Variants in CTNNA1 observed in about 807,000 individuals in gnomAD.
CTNNA1 encodes the protein catenin alpha 1.
A neutral mutation model predicts 98.4 loss-of-function variants in CTNNA1; 37 were observed. The ratio of observed to expected loss-of-function variants is 0.38; its 90% CI spans 0.29 to 0.49. The LOEUF is 0.49. Among genes scored for constraint, CTNNA1 ranks in the 20% least tolerant of loss-of-function variants. The pLI is 0.95. For missense variants in CTNNA1, 761 were observed against 1,147.2 expected, an observed-to-expected ratio of 0.66 and a Z score of 4.86; for synonymous variants, 404 against 413.2, an observed-to-expected ratio of 0.98 and a Z score of 0.27.
chr5:138,777,654 G>A (rs1002488715), intron 1 of CTNNA1, among the ~76,000 whole-genome samples: 37 of 151,946 alleles, frequency 2.4e-4, no homozygotes, highest in South Asian at 1.7e-3. Flanking sequence ...TTAGGAGCTG[G>A]AGACCAGCCC....
intron 7 of CTNNA1, among the ~76,000 whole-genome samples, chr5:138,843,354 G>A (rs151201014): frequency 8.8e-4 from 134 of 152,240 alleles, no homozygotes; most frequent in African/African-American, 3.2e-3. Context: ...TCATCACCAT[G>A]ATGGTTAGTT....
chr5:138,824,872 T>G (rs1760482504), intron 6 of CTNNA1, 73 bp downstream of exon 6: 2 of 1,410,512 alleles, frequency 1.4e-6, no homozygotes, highest in African/African-American at 2.8e-5. Flanking sequence ...TGGGGAAAAG[T>G]GATCAAGGCT....
At chr5:138,767,097 C>T (rs752688695) in intron 1 of CTNNA1, among the ~76,000 whole-genome samples, 105 of 152,022 alleles carry the variant, frequency 6.9e-4, no homozygotes, top group Non-Finnish European at 1.4e-3. Flanking sequence ...AGTGCAGTGG[C>T]GTGATCTTGG....
At chr5:138,757,066 C>T (rs531790659) in intron 1 of CTNNA1, among the ~76,000 whole-genome samples, 25 of 151,548 alleles carry the variant, frequency 1.6e-4, no homozygotes, top group African/African-American at 5.3e-4. Flanking sequence ...CATGGTGACA[C>T]GCTCTGTAGT....
rs1025992518 is a variant in CTNNA1, at chr5:138,917,105, AT to A, written c.1390-631del. Among the ~76,000 whole-genome samples the A allele has an allele frequency of 2.6e-5, 4 of 152,244 alleles. No homozygotes were observed. In the East Asian group the frequency reaches 7.7e-4, roughly 29 times the overall value. ...ATTTTTAAACCTTAATAGATTATAC[AT>A]TTTTTGAGCAGTTTTTTGTTTGTCA... On this transcript the variant is annotated intron_variant, in intron 10 of 17. Transcript: ENST00000302763.
chr5:138,835,563 A>G (rs1180282030), intron 7 of CTNNA1, among the ~76,000 whole-genome samples: 1 of 152,230 alleles, frequency 6.6e-6, no homozygotes, highest in African/African-American at 2.4e-5. Flanking sequence ...TAGATGATGC[A>G]TTGAATGCAA....
chr5:138,814,733 G>A (rs549900159), intron 5 of CTNNA1, among the ~76,000 whole-genome samples: 8 of 152,166 alleles, frequency 5.3e-5, no homozygotes, highest in South Asian at 2.1e-4. Flanking sequence ...GCAAAATGGC[G>A]GAATAAGTAA....
intron 7 of CTNNA1, chr5:138,871,740 T>C (rs1338835496): frequency 6.6e-6 from 1 of 152,290 alleles, no homozygotes; most frequent in African/African-American, 2.4e-5. Flanking sequence ...TGTTCTGCCA[T>C]GAGATTCATC....
intron 5 of CTNNA1, among the ~76,000 whole-genome samples, chr5:138,816,021 C>T (rs1413880832): frequency 6.6e-6 from 1 of 152,174 alleles, no homozygotes; most frequent in Non-Finnish European, 1.5e-5. Context: ...TTTATTCCTC[C>T]TATTTAACTG....
chr5:138,909,359 C>CA (rs1410977789), intron 10 of CTNNA1, among the ~76,000 whole-genome samples: 6 of 151,090 alleles, frequency 4.0e-5, no homozygotes, highest in African/African-American at 1.5e-4. Flanking sequence ...CCTCCCCCCC[C>CA]ACCCTTTTTT....
intron 9 of CTNNA1, among the ~76,000 whole-genome samples, chr5:138,892,593 C>T (rs896934560): frequency 1.8e-4 from 27 of 151,950 alleles, no homozygotes; most frequent in Admixed American, 5.9e-4. Flanking sequence ...TCGCCCGCCT[C>T]GGCCTCCCAG....
intron 7 of CTNNA1, among the ~76,000 whole-genome samples, chr5:138,830,733 GTGTGTTGGGCACAA>G (rs1196571046): frequency 6.6e-6 from 1 of 152,234 alleles, no homozygotes; most frequent in Non-Finnish European, 1.5e-5. Context: ...ATGCAAAGCA[GTGTGTTGGGCACAA>G]TGTAAGAGGA....
At position 138,796,165 on chromosome 5, in the gene CTNNA1, A is replaced by C. The variant is rs567688996; in HGVS notation, c.301+12793A>C. On this transcript the variant is annotated intron_variant, in intron 3 of 17. Transcript: ENST00000302763. ...TTCTCTTTAATACTGTTATGTCAAG[A>C]GTTTTATTCACTTTTCACATTTTCA... Among the ~76,000 whole-genome samples the C allele has an allele frequency of 3.3e-5, 5 of 152,324 alleles. No homozygotes were observed. The East Asian group carries it at 7.7e-4, about 23-fold the overall frequency.
intron 1 of CTNNA1, chr5:138,754,070 C>G (rs1561487211): frequency 3.9e-5 from 6 of 152,350 alleles, no homozygotes; most frequent in Middle Eastern, 3.4e-3. Context: ...GGCTGGAGCC[C>G]GGGCTTCTCC....
Position 138,825,049 on chromosome 5 carries a change from G to T in CTNNA1, c.858+250G>T, listed in dbSNP as rs541895770. The stretch of plus-strand genomic sequence containing the variant: ...TTATGTAGCTTGTGTTTCCTATGAG[G>T]TCATTCTTTACTGAGGATATGGGTT... On this transcript the variant is annotated intron_variant, in intron 6 of 17. Transcript: ENST00000302763. Among the ~76,000 whole-genome samples, 3 of 152,118 alleles carry T rather than the reference G, an allele frequency of 2.0e-5. No individual in the cohort carries two copies. In the East Asian group the frequency reaches 5.8e-4, roughly 29 times the overall value.
chr5:138,761,009 C>T (rs1261894782), intron 1 of CTNNA1, among the ~76,000 whole-genome samples: 2 of 152,210 alleles, frequency 1.3e-5, no homozygotes. Flanking sequence ...TACTGAATTT[C>T]TGTTCAGGAA....
At chr5:138,801,568 C>T (rs1398864782) in intron 3 of CTNNA1, among the ~76,000 whole-genome samples, 3 of 152,180 alleles carry the variant, frequency 2.0e-5, no homozygotes, top group Non-Finnish European at 4.4e-5. Context: ...TCGCTGCTAG[C>T]TTTTAAGTGT....
intron 10 of CTNNA1, among the ~76,000 whole-genome samples, chr5:138,905,816 G>T (rs1231174805): frequency 6.6e-6 from 1 of 152,184 alleles, no homozygotes; most frequent in Non-Finnish European, 1.5e-5. Context: ...CAGTAGAAGA[G>T]GTTTCCTCTC....
intron 7 of CTNNA1, among the ~76,000 whole-genome samples, chr5:138,836,736 A>T (rs993175659): frequency 6.6e-6 from 1 of 152,188 alleles, no homozygotes; most frequent in Non-Finnish European, 1.5e-5. Flanking sequence ...ACTGTCCTTT[A>T]TATCACTTTG....
Sources: gnomAD v4.1 joint callset for allele counts (sites outside exome capture counted in the v4.1 genomes callset) on GRCh38, gnomAD v4.1.1 for gene constraint, MANE v1.5 for transcripts, NCBI Gene and HGNC (gene_info 2026-07-23, HGNC 2026-07-21) for gene names.